The following TUT4 variants were observed in gnomAD, a reference collection of about 807,000 sequenced individuals.
TUT4 encodes the protein terminal uridylyltransferase 4.
A neutral mutation model predicts 192.2 loss-of-function variants in TUT4; 36 were observed. The observed-to-expected ratio is 0.19, with a 90% CI of 0.14 to 0.25. TUT4 has a LOEUF of 0.25. Among genes scored for constraint, TUT4 ranks in the 10% least tolerant of loss-of-function variants. TUT4 has a pLI of 1.00. For missense variants in TUT4, 1,493 were observed against 1,957.2 expected (o/e 0.76, Z 4.47); for synonymous variants, 618 against 666.0 (o/e 0.93, Z 1.11).
At chr1:52,463,227 AAAACTCT>A (rs1272103573) in intron 16 of TUT4, 2 of 986,282 alleles carry the variant, frequency 2.0e-6, no homozygotes, top group Admixed American at 1.2e-4. Context: ...GAAGATATCT[AAAACTCT>A]AACCTCTTTC....
At chr1:52,524,958 C>T (rs1272197305) in intron 2 of TUT4, among the ~76,000 whole-genome samples, 2 of 152,188 alleles carry the variant, frequency 1.3e-5, no homozygotes, top group African/African-American at 4.8e-5. Flanking sequence ...CTGCTCCAGC[C>T]GTACTAAGTC....
chr1:52,519,513 CTTT>C (rs200168317), intron 2 of TUT4, among the ~76,000 whole-genome samples: 1 of 144,050 alleles, frequency 6.9e-6, no homozygotes, highest in African/African-American at 2.5e-5. Context: ...GTAAAATATT[CTTT>C]TTTTTTTTTT....
intron 2 of TUT4, among the ~76,000 whole-genome samples, chr1:52,521,662 C>CA (rs1338142170): frequency 1.3e-5 from 2 of 149,964 alleles, no homozygotes; most frequent in South Asian, 2.1e-4. Flanking sequence ...GACTCTGTCT[C>CA]AAAAAACAAC....
At chr1:52,499,920 A>G (rs181850687) in intron 4 of TUT4, among the ~76,000 whole-genome samples, 1 of 148,688 alleles carries the variant, frequency 6.7e-6, no homozygotes, top group East Asian at 1.9e-4. Flanking sequence ...AATTAAAAAA[A>G]TATATATACA....
At chr1:52,519,019 A>G (rs1571216321) in intron 2 of TUT4, among the ~76,000 whole-genome samples, 1 of 152,218 alleles carries the variant, frequency 6.6e-6, no homozygotes, top group Non-Finnish European at 1.5e-5. Flanking sequence ...TTCCATTTCT[A>G]AATATATATA....
Position 52,446,362 on chromosome 1 carries a change from T to C in TUT4, c.3594A>G (p.Glu1198=). The C allele has an allele frequency of 6.2e-7, 1 of 1,613,992 alleles. No individual in the cohort carries two copies. The highest frequency in any genetic ancestry group is 8.5e-7 in the Non-Finnish European group (1 of 1,179,962). The change falls in exon 22 of 30, where the codon GAA becomes GAG. Residue 1198 remains glutamate, a synonymous_variant. Coordinates refer to ENST00000257177, the MANE Select transcript of TUT4 (RefSeq NM_001009881.3). ...TTACATATTCCTTGAAATCAAACTC[T>C]TCAGTATAGAAACGAAGCAGTCCCA... ...LWLGLLRFYT[E]EFDFKEYVIS...
intron 1 of TUT4, among the ~76,000 whole-genome samples, chr1:52,538,930 G>A (rs557481523): frequency 2.0e-5 from 3 of 152,104 alleles, no homozygotes; most frequent in Non-Finnish European, 1.5e-5. Context: ...AGGGCACCAA[G>A]ACAATTCTCC....
chr1:52,492,643 G>C (rs78008929), intron 7 of TUT4, among the ~76,000 whole-genome samples: 1,749 of 152,312 alleles, frequency 0.011, 33 homozygotes, highest in African/African-American at 0.039. Context: ...TCTAGCTCCA[G>C]CTCCCAAGCT....
At chr1:52,493,091 T>C (rs902159061) in intron 7 of TUT4, among the ~76,000 whole-genome samples, 1 of 152,202 alleles carries the variant, frequency 6.6e-6, no homozygotes, top group East Asian at 1.9e-4. Flanking sequence ...TTTTTTGTTT[T>C]TGTATTTTCC....
At chr1:52,445,916 C>T in intron 23 of TUT4, 41 bp downstream of exon 23, 1 of 1,600,814 alleles carries the variant, frequency 6.2e-7, no homozygotes, top group Non-Finnish European at 8.5e-7. Flanking sequence ...ATTAATGTGT[C>T]AGAGTTTTAA....
At chr1:52,463,529 C>T in intron 16 of TUT4, 1 of 1,152,440 alleles carries the variant, frequency 8.7e-7, no homozygotes, top group Non-Finnish European at 1.1e-6. Flanking sequence ...CTGCTGAATT[C>T]TTTTATAATG....
At chr1:52,467,844 T>C (rs568586573) in intron 15 of TUT4, among the ~76,000 whole-genome samples, 34 of 152,332 alleles carry the variant, frequency 2.2e-4, no homozygotes, top group Non-Finnish European at 4.1e-4. Flanking sequence ...TGGATATTTA[T>C]ATAACTTGCT....
intron 4 of TUT4, among the ~76,000 whole-genome samples, chr1:52,499,800 G>T (rs531775515): frequency 6.6e-6 from 1 of 152,092 alleles, no homozygotes; most frequent in East Asian, 1.9e-4. Context: ...CCCAGGCCAG[G>T]CGTGGTGGCT....
chr1:52,463,893 G>T, intron 16 of TUT4: 1 of 849,712 alleles, frequency 1.2e-6, no homozygotes, highest in Non-Finnish European at 1.7e-6. Context: ...GTTTCAGAAA[G>T]CAGTGGTTAG....
chr1:52,426,578 G>A (rs780615794), intron 28 of TUT4, among the ~76,000 whole-genome samples: 2 of 152,034 alleles, frequency 1.3e-5, no homozygotes, highest in East Asian at 1.9e-4. Context: ...ACTAAAGCCC[G>A]TGTGAACTGC....
At chr1:52,522,637 T>C (rs1228302351) in intron 2 of TUT4, among the ~76,000 whole-genome samples, 1 of 152,156 alleles carries the variant, frequency 6.6e-6, no homozygotes, top group East Asian at 1.9e-4. Context: ...TAAAAGAAAA[T>C]AATCTTTGGC....
At position 52,475,133 on chromosome 1, in the gene TUT4, T is replaced by A; in HGVS notation, c.2426A>T (p.Glu809Val). The A allele has an allele frequency of 6.2e-7, 1 of 1,614,184 alleles. No homozygotes were observed. The highest frequency in any genetic ancestry group is 8.5e-7 in the Non-Finnish European group (1 of 1,180,046). Residue 809 changes from glutamate to valine, a missense_variant, in exon 13 of 30, where the codon GAG becomes GTG. By Grantham distance (121) the Glu-to-Val change is moderately radical. Transcript: ENST00000257177. ...SLSTSKSSEI[E>V]PKLDKKQDDL... ...ATCTTGTTTCTTATCTAATTTTGGC[T>A]CTATTTCACTGCTTTTGCTGGTAGA...
chr1:52,471,817 A>G, intron 14 of TUT4, 135 bp downstream of exon 14: 2 of 873,670 alleles, frequency 2.3e-6, no homozygotes, highest in Non-Finnish European at 3.4e-6. Context: ...CATTTAGTAA[A>G]TATCTGTGCT....
chr1:52,537,952 C>A (rs537235080), intron 1 of TUT4, among the ~76,000 whole-genome samples: 1 of 152,134 alleles, frequency 6.6e-6, no homozygotes, highest in East Asian at 1.9e-4. Context: ...ACTAATTAGA[C>A]TGGCTGGGCA....
Sources: allele counts gnomAD v4.1 joint callset (sites outside exome capture counted in the v4.1 genomes callset), GRCh38; gene constraint gnomAD v4.1.1; transcripts MANE v1.5; gene names NCBI Gene and HGNC (gene_info 2026-07-23, HGNC 2026-07-21).